Variants in GRIK4 observed in about 807,000 individuals in gnomAD.
GRIK4 encodes the protein glutamate receptor ionotropic, kainate 4.
In GRIK4, 40 loss-of-function variants were observed where a neutral mutation model predicts 104.9. That is an observed-to-expected ratio of 0.38 (90% CI 0.30 to 0.50). The LOEUF is 0.50. GRIK4 is among the 20% of genes least tolerant of loss of function. The pLI is 0.93. For missense variants in GRIK4, 1,047 were observed against 1,308.1 expected (o/e 0.80, Z 3.08); for synonymous variants, 485 against 524.9 (o/e 0.92, Z 1.04).
intron 8 of GRIK4, among the ~76,000 whole-genome samples, chr11:120,842,812 G>C (rs1196055747): frequency 6.6e-6 from 1 of 152,228 alleles, no homozygotes; most frequent in Non-Finnish European, 1.5e-5. Context: ...TTGAATAAAA[G>C]ACATAAAGAA....
At chr11:120,862,804 G>C (rs1305930769) in intron 9 of GRIK4, among the ~76,000 whole-genome samples, 1 of 152,140 alleles carries the variant, frequency 6.6e-6, no homozygotes, top group East Asian at 1.9e-4. Context: ...GTGTACATTT[G>C]TTAAAAGGCA....
intron 9 of GRIK4, among the ~76,000 whole-genome samples, chr11:120,865,872 C>T (rs560281991): frequency 1.2e-4 from 18 of 151,908 alleles, no homozygotes; most frequent in South Asian, 2.1e-4. Context: ...AGCATGGTGC[C>T]GGTATCTGTT....
chr11:120,687,789 A>G (rs1190576308), intron 3 of GRIK4, among the ~76,000 whole-genome samples: 1 of 152,150 alleles, frequency 6.6e-6, no homozygotes, highest in East Asian at 1.9e-4. Context: ...GAGCAGAGCC[A>G]CCATTAGTTG....
At chr11:120,670,163 T>C (rs1360683601) in intron 3 of GRIK4, among the ~76,000 whole-genome samples, 2 of 152,224 alleles carry the variant, frequency 1.3e-5, no homozygotes, top group Non-Finnish European at 2.9e-5. Flanking sequence ...ACAACCCAAC[T>C]GCGTCTCACC....
At chr11:120,775,505 A>G (rs1310089087) in intron 3 of GRIK4, among the ~76,000 whole-genome samples, 1 of 152,258 alleles carries the variant, frequency 6.6e-6, no homozygotes, top group Non-Finnish European at 1.5e-5. Flanking sequence ...ATGAATATTG[A>G]AAGTGTTTTG....
rs150636390 is a variant in GRIK4, at chr11:120,711,072, TG to T, written c.82+50673del. Among the ~76,000 whole-genome samples, 1,097 of 150,562 alleles carry T rather than the reference TG, an allele frequency of 7.3e-3. 56 individuals carry two copies. The East Asian group carries it at 0.13, about 18-fold the overall frequency. On this transcript the variant is annotated intron_variant, in intron 3 of 20. Transcript: ENST00000527524. ...AGGGTGGGCCATGCAGGGTGGGCCA[TG>T]CTGAGCTGTAGGAGACAGTGAGCTC...
At chr11:120,727,189 A>G (rs1365054474) in intron 3 of GRIK4, among the ~76,000 whole-genome samples, 1 of 152,198 alleles carries the variant, frequency 6.6e-6, no homozygotes, top group African/African-American at 2.4e-5. Flanking sequence ...AGATGGAACA[A>G]AGGGGCGAGA....
At position 120,956,731 on chromosome 11, in the gene GRIK4, T is replaced by C; in HGVS notation, c.1701-49T>C. The C allele has an allele frequency of 7.1e-7, 1 of 1,412,348 alleles. No homozygotes were observed. The highest frequency in any genetic ancestry group is 9.5e-7 in the Non-Finnish European group (1 of 1,056,290). The allele number at this position is 1,412,348 out of a possible 1,614,324, so 87.5% of individuals were successfully genotyped here. A position where few individuals can be genotyped will look rare whatever the true frequency, so the allele number is the denominator to read the frequency against. ...AGCCAGGAGAGCCTGCCTGTGTCCC[T>C]TCACACCCCGCCTCTGTGGCACTAG... On this transcript the variant is annotated intron_variant, in intron 15 of 20. Transcript: ENST00000527524. This position sits in a 1 kb window ranked among gnomAD's most constrained non-coding sequence, Gnocchi z 4.6.
At chr11:120,900,152 G>A (rs554700091) in intron 12 of GRIK4, among the ~76,000 whole-genome samples, 1 of 152,202 alleles carries the variant, frequency 6.6e-6, no homozygotes. Flanking sequence ...ATTGACGATG[G>A]GCTCTGAAAG....
chr11:120,786,160 G>A (rs1027688379), intron 3 of GRIK4, among the ~76,000 whole-genome samples: 5 of 152,080 alleles, frequency 3.3e-5, no homozygotes, highest in African/African-American at 1.2e-4. Flanking sequence ...CCATCCCGCT[G>A]GTGCCATGGC....
intron 14 of GRIK4, among the ~76,000 whole-genome samples, chr11:120,943,385 C>T (rs1051105690): frequency 2.0e-5 from 3 of 152,100 alleles, no homozygotes; most frequent in African/African-American, 7.2e-5. Flanking sequence ...AAAAAGTCAG[C>T]TGAGGGGAGA....
At chr11:120,671,663 C>T (rs1001912856) in intron 3 of GRIK4, among the ~76,000 whole-genome samples, 2 of 152,124 alleles carry the variant, frequency 1.3e-5, no homozygotes, top group Non-Finnish European at 2.9e-5. Flanking sequence ...AAAATTTTCT[C>T]CCATTCTGCA....
At chr11:120,900,929 G>C (rs77952967) in intron 12 of GRIK4, among the ~76,000 whole-genome samples, 1 of 152,178 alleles carries the variant, frequency 6.6e-6, no homozygotes, top group Non-Finnish European at 1.5e-5. Flanking sequence ...GGGGGAGGGG[G>C]TGCAGCACCC....
At chr11:120,532,300 C>A (rs1466712972) in intron 1 of GRIK4, among the ~76,000 whole-genome samples, 1 of 152,112 alleles carries the variant, frequency 6.6e-6, no homozygotes, top group Non-Finnish European at 1.5e-5. Context: ...TACCCCGCCC[C>A]CAGCTTCCTT....
chr11:120,695,069 C>G (rs979155495), intron 3 of GRIK4, among the ~76,000 whole-genome samples: 18 of 152,324 alleles, frequency 1.2e-4, no homozygotes, highest in African/African-American at 4.3e-4. Context: ...TTTCAAAGCC[C>G]TGTGCTACTT....
intron 3 of GRIK4, among the ~76,000 whole-genome samples, chr11:120,664,848 G>A (rs1949881550): frequency 6.6e-6 from 1 of 152,188 alleles, no homozygotes; most frequent in South Asian, 2.1e-4. Context: ...CTCAGTCGAG[G>A]TGGCAAGGGA....
At chr11:120,945,342 T>C (rs1407216165) in intron 14 of GRIK4, among the ~76,000 whole-genome samples, 1 of 152,228 alleles carries the variant, frequency 6.6e-6, no homozygotes, top group African/African-American at 2.4e-5. Flanking sequence ...CATTACATTA[T>C]TCTTTGTTTA....
At chr11:120,670,338 C>G (rs1949993225) in intron 3 of GRIK4, among the ~76,000 whole-genome samples, 2 of 152,372 alleles carry the variant, frequency 1.3e-5, no homozygotes, top group Non-Finnish European at 1.5e-5. Context: ...TGTCAGTCCA[C>G]TGCTCCAGTC....
Position 120,792,906 on chromosome 11 carries a change from G to A in GRIK4, c.83-9787G>A, listed in dbSNP as rs115998453. ...GCTCCTGGGAGGATGACAAGAAGAG[G>A]CCTCTGCAAAGACCTTGGATGCACC... On this transcript the variant is annotated intron_variant, in intron 3 of 20. Coordinates refer to ENST00000527524, the MANE Select transcript of GRIK4 (RefSeq NM_014619.5). 2.1e-3 allele frequency among the ~76,000 whole-genome samples: 319 copies of A among 152,284 alleles called. 1 individual carries two copies. The highest frequency in any genetic ancestry group is 7.3e-3 in the African/African-American group (304 of 41,524).
Sources: allele counts gnomAD v4.1 joint callset (sites outside exome capture counted in the v4.1 genomes callset), GRCh38; gene constraint gnomAD v4.1.1; non-coding constraint Gnocchi (gnomAD v3.1); transcripts MANE v1.5; gene names NCBI Gene and HGNC (gene_info 2026-07-23, HGNC 2026-07-21).